The following SLC41A2 variants were observed in gnomAD, a reference collection of about 807,000 sequenced individuals.
SLC41A2 encodes the protein SLC41A1-like 1.
SLC41A2 carries 32 observed loss-of-function variants against 58.3 expected under a neutral mutation model. The ratio of observed to expected loss-of-function variants is 0.55; its 90% CI spans 0.41 to 0.74. SLC41A2 has a LOEUF of 0.74. Ranked by LOEUF, SLC41A2 falls within the 30% of genes least tolerant of loss-of-function variation. The pLI is 0.00. For missense variants in SLC41A2, 514 were observed against 680.6 expected (o/e 0.76, Z 2.72); for synonymous variants, 190 against 235.0 (o/e 0.81, Z 1.75).
intron 3 of SLC41A2, among the ~76,000 whole-genome samples, chr12:104,901,804 T>C (rs193173516): frequency 2.2e-4 from 33 of 152,306 alleles, no homozygotes; most frequent in African/African-American, 7.9e-4. Flanking sequence ...TCTGTGAACG[T>C]TTGGTCTTTA....
rs554199844 is a variant in SLC41A2, at chr12:104,860,502, A to C, written c.1255+789T>G. 2.6e-5 allele frequency among the ~76,000 whole-genome samples: 4 copies of C among 152,306 alleles called. No homozygotes were observed. The East Asian group carries it at 7.7e-4, about 29-fold the overall frequency. On this transcript the variant is annotated intron_variant, in intron 8 of 10. Transcript: ENST00000258538. ...TTCATATATAAATGTCTGTGAATTTAAGTATTATAATTCCCATTTCATAGA... is the reference window on the plus strand; with the variant it reads ...TTCATATATAAATGTCTGTGAATTTCAGTATTATAATTCCCATTTCATAGA...
chr12:104,855,698 T>C (rs955563772), intron 8 of SLC41A2, among the ~76,000 whole-genome samples: 1 of 152,188 alleles, frequency 6.6e-6, no homozygotes, highest in African/African-American at 2.4e-5. Flanking sequence ...TTGGCTACAA[T>C]AACATAGCTT....
In SLC41A2 at chr12:104,881,059, C is replaced by G. The variant is rs551760128; in HGVS notation, c.1027+5234G>C. The stretch of plus-strand genomic sequence containing the variant: ...TTAGTCTTGGGAGGGTGTATGTGTC[C>G]AGGAATTTATCCATTTCTTCTAGAT... On this transcript the variant is annotated intron_variant, in intron 6 of 10. Coordinates refer to ENST00000258538, the MANE Select transcript of SLC41A2 (RefSeq NM_001352171.3). Among the ~76,000 whole-genome samples the G allele has an allele frequency of 4.6e-5, 7 of 152,134 alleles. No homozygotes were observed. In the East Asian group the frequency reaches 7.7e-4, roughly 17 times the overall value.
intron 1 of SLC41A2, among the ~76,000 whole-genome samples, chr12:104,933,842 T>C (rs994416599): frequency 5.3e-5 from 8 of 152,142 alleles, no homozygotes; most frequent in Non-Finnish European, 1.0e-4. Context: ...TACTGCATGT[T>C]CTTAGTTTTA....
At position 104,892,321 on chromosome 12, in the gene SLC41A2, TAAAATA is replaced by T. The variant is rs1565879512; in HGVS notation, c.735+2947_735+2952del. Among the ~76,000 whole-genome samples, 6 of 119,388 alleles carry T rather than the reference TAAAATA, an allele frequency of 5.0e-5. 2 individuals carry two copies. Among genetic ancestry groups the T allele is most frequent in the African/African-American group, 2.4e-4 (6 of 24,816 alleles). The allele number at this position is 119,388 out of a possible 152,430, so 78.3% of individuals were successfully genotyped here. A position where few individuals can be genotyped will look rare whatever the true frequency, so the allele number is the denominator to read the frequency against. On this transcript the variant is annotated intron_variant, in intron 4 of 10. Transcript: ENST00000258538. ...AAAAAAAAAATAAAATAAAATAAAA[TAAAATA>T]AAATAAAATATTGATGCAAGAAATT...
intron 1 of SLC41A2, among the ~76,000 whole-genome samples, chr12:104,931,231 C>A (rs918294142): frequency 6.6e-5 from 10 of 152,192 alleles, no homozygotes; most frequent in African/African-American, 2.4e-4. Flanking sequence ...ATATGCTAGA[C>A]AGATATTTTT....
intron 1 of SLC41A2, among the ~76,000 whole-genome samples, chr12:104,956,019 T>C (rs933230424): frequency 6.6e-6 from 1 of 152,248 alleles, no homozygotes; most frequent in African/African-American, 2.4e-5. Flanking sequence ...TTATTGTTAG[T>C]TTGTTCAGCT....
At chr12:104,895,439 A>T (rs2045231970) in intron 3 of SLC41A2, 94 bp from the exon 4 acceptor site, 5 of 818,964 alleles carry the variant, frequency 6.1e-6, no homozygotes, top group Admixed American at 2.2e-5. Flanking sequence ...GCCCAAAATA[A>T]TTCTTCAGTA....
chr12:104,938,316 T>G (rs564038140), intron 1 of SLC41A2, among the ~76,000 whole-genome samples: 35 of 152,310 alleles, frequency 2.3e-4, no homozygotes, highest in Non-Finnish European at 4.1e-4. Context: ...GTTCTTCAAA[T>G]TGTGCATATA....
intron 1 of SLC41A2, among the ~76,000 whole-genome samples, chr12:104,955,765 T>C (rs1255257585): frequency 1.3e-5 from 2 of 152,110 alleles, no homozygotes; most frequent in Non-Finnish European, 2.9e-5. Context: ...GGTTTTTTTT[T>C]TTTTGGCCAT....
At chr12:104,830,220 A>G (rs1895979287) in intron 10 of SLC41A2, among the ~76,000 whole-genome samples, 1 of 152,232 alleles carries the variant, frequency 6.6e-6, no homozygotes, top group African/African-American at 2.4e-5. Context: ...TTGTCCCTCT[A>G]TATCCATGGA....
intron 2 of SLC41A2, among the ~76,000 whole-genome samples, chr12:104,919,133 A>C (rs2046470096): frequency 6.6e-6 from 1 of 152,232 alleles, no homozygotes; most frequent in Admixed American, 6.5e-5. Context: ...CTTTTCACTC[A>C]GCATAATTCT....
rs2040834485 is a variant in SLC41A2, at chr12:104,804,840, C to T, written c.*312G>A. ...AATTTAATAATAAAGTACATTTCTG[C>T]TATGTTTGTGGTTTTAAAATTATTC... On this transcript the variant is annotated 3_prime_UTR_variant, in exon 11 of 11. Coordinates refer to ENST00000258538, the MANE Select transcript of SLC41A2 (RefSeq NM_001352171.3). The T allele has an allele frequency of 5.6e-6, 1 of 177,494 alleles. No individual in the cohort carries two copies. The highest frequency in any genetic ancestry group is 6.1e-5 in the Admixed American group (1 of 16,492). The allele number at this position is 177,494 out of a possible 1,614,324, so 11.0% of individuals were successfully genotyped here.
chr12:104,894,871 C>T (rs1241624093), intron 4 of SLC41A2, among the ~76,000 whole-genome samples: 1 of 151,974 alleles, frequency 6.6e-6, no homozygotes, highest in Non-Finnish European at 1.5e-5. Context: ...TTAAGGAAAA[C>T]AAACAAATAT....
In SLC41A2 at chr12:104,804,917, A is replaced by ATCTATG; in HGVS notation, c.*229_*234dup. The ATCTATG allele has an allele frequency of 3.2e-6, 1 of 316,550 alleles. No individual in the cohort carries two copies. Among genetic ancestry groups the ATCTATG allele is most frequent in the Non-Finnish European group, 5.8e-6 (1 of 172,964 alleles). 19.6% of individuals were successfully genotyped at this position (316,550 alleles called of 1,614,324 possible). A position where few individuals can be genotyped will look rare whatever the true frequency, so the allele number is the denominator to read the frequency against. On this transcript the variant is annotated 3_prime_UTR_variant, in exon 11 of 11. Transcript: ENST00000258538. ...AATTAATTTCAGAGCTGGAACTTAT[A>ATCTATG]TCTATGTCTATGTCAAATTATCATT... is the stretch of plus-strand genomic sequence containing the variant.
At chr12:104,924,450 A>G (rs2046745549) in intron 2 of SLC41A2, among the ~76,000 whole-genome samples, 1 of 152,228 alleles carries the variant, frequency 6.6e-6, no homozygotes, top group African/African-American at 2.4e-5. Flanking sequence ...ATGTGCATCA[A>G]AAGTCTGGAA....
intron 1 of SLC41A2, among the ~76,000 whole-genome samples, chr12:104,947,479 C>T (rs999673747): frequency 5.3e-5 from 8 of 151,698 alleles, no homozygotes; most frequent in Non-Finnish European, 1.0e-4. Context: ...GGATTCCAGG[C>T]GTGAGCCACC....
At chr12:104,912,853 A>C (rs1276262076) in intron 2 of SLC41A2, among the ~76,000 whole-genome samples, 2 of 152,126 alleles carry the variant, frequency 1.3e-5, no homozygotes, top group African/African-American at 4.8e-5. Flanking sequence ...GAATTGGAGA[A>C]CACTAATTCT....
chr12:104,827,289 G>C (rs2041879724), intron 10 of SLC41A2, among the ~76,000 whole-genome samples: 1 of 152,198 alleles, frequency 6.6e-6, no homozygotes, highest in African/African-American at 2.4e-5. Context: ...GCACTTTAGA[G>C]AACCTCCTTA....
Sources: gnomAD v4.1 joint callset for allele counts (sites outside exome capture counted in the v4.1 genomes callset) on GRCh38, gnomAD v4.1.1 for gene constraint, MANE v1.5 for transcripts, NCBI Gene and HGNC (gene_info 2026-07-23, HGNC 2026-07-21) for gene names.